DTNB: variants seen among roughly 807,000 people sequenced by gnomAD.
The protein encoded by DTNB is dystrobrevin beta.
A neutral mutation model predicts 90.7 loss-of-function variants in DTNB; 63 were observed. The observed-to-expected ratio is 0.69, with a 90% CI of 0.57 to 0.86. The LOEUF is 0.86. DTNB is among the 40% of genes least tolerant of loss of function. The probability of loss-of-function intolerance (pLI) is 0.00; values close to 1 mark genes in which losing one functional copy is unlikely to be tolerated. For missense variants in DTNB, 744 were observed against 807.1 expected (o/e 0.92, Z 0.95); for synonymous variants, 277 against 286.7 (o/e 0.97, Z 0.34).
intron 6 of DTNB, among the ~76,000 whole-genome samples, chr2:25,593,787 G>A (rs1398114286): frequency 6.6e-6 from 1 of 152,016 alleles, no homozygotes; most frequent in Non-Finnish European, 1.5e-5. Context: ...GAATACTAAC[G>A]TTGCAATTAA....
chr2:25,642,704 G>A (rs1040873128), intron 2 of DTNB, among the ~76,000 whole-genome samples: 1 of 152,110 alleles, frequency 6.6e-6, no homozygotes, highest in Non-Finnish European at 1.5e-5. Flanking sequence ...GAGCCACCAT[G>A]CCTGGCCTGG....
chr2:25,529,937 G>A (rs187624383), intron 9 of DTNB, among the ~76,000 whole-genome samples: 13 of 152,264 alleles, frequency 8.5e-5, no homozygotes, highest in Admixed American at 7.8e-4. Flanking sequence ...GGAGGCAAAG[G>A]AAAAGTAGAC....
At chr2:25,573,092 C>T (rs922543571) in intron 8 of DTNB, among the ~76,000 whole-genome samples, 3 of 152,088 alleles carry the variant, frequency 2.0e-5, no homozygotes, top group Admixed American at 1.3e-4. Flanking sequence ...ATTACAGGCA[C>T]CCGCCACCAC....
At chr2:25,606,030 G>C (rs990375666) in intron 5 of DTNB, among the ~76,000 whole-genome samples, 1 of 152,032 alleles carries the variant, frequency 6.6e-6, no homozygotes, top group African/African-American at 2.4e-5. Context: ...ATCTTTCTTT[G>C]GAATATCTAA....
chr2:25,661,733 C>T (rs1331217968), intron 1 of DTNB, among the ~76,000 whole-genome samples: 1 of 152,096 alleles, frequency 6.6e-6, no homozygotes, highest in Admixed American at 6.5e-5. Flanking sequence ...ACCCATCACA[C>T]ACATCAAATG....
chr2:25,462,955 G>T (rs967126812), intron 10 of DTNB, among the ~76,000 whole-genome samples: 2 of 151,970 alleles, frequency 1.3e-5, no homozygotes, highest in African/African-American at 2.4e-5. Flanking sequence ...CACCCGCCTC[G>T]GCCTCCCAAA....
intron 10 of DTNB, among the ~76,000 whole-genome samples, chr2:25,462,332 GC>G (rs2061087636): frequency 6.6e-6 from 1 of 152,040 alleles, no homozygotes; most frequent in Non-Finnish European, 1.5e-5. Flanking sequence ...TGAAGAGTGA[GC>G]AATAGCGGGA....
At chr2:25,577,104 C>G in intron 7 of DTNB, 100 bp from the exon 8 acceptor site, 1 of 1,258,918 alleles carries the variant, frequency 7.9e-7, no homozygotes, top group Non-Finnish European at 1.1e-6. Context: ...GAAGTCAATA[C>G]AGAGGAATAC....
chr2:25,649,834 T>C, intron 2 of DTNB: 1 of 172,104 alleles, frequency 5.8e-6, no homozygotes, highest in Non-Finnish European at 1.2e-5. Context: ...AAAATCAACA[T>C]ACTAAATGAT....
intron 4 of DTNB, among the ~76,000 whole-genome samples, chr2:25,620,572 C>A (rs2072276920): frequency 6.6e-6 from 1 of 151,920 alleles, no homozygotes; most frequent in African/African-American, 2.4e-5. Context: ...ATGGTAAAAC[C>A]CTTTGCAAGT....
At chr2:25,380,573 A>C (rs1294034902) in intron 19 of DTNB, among the ~76,000 whole-genome samples, 1 of 152,256 alleles carries the variant, frequency 6.6e-6, no homozygotes, top group Non-Finnish European at 1.5e-5. Flanking sequence ...ATAGACATAC[A>C]GACATTCTGG....
chr2:25,514,520 G>A (rs2074624437), intron 9 of DTNB, among the ~76,000 whole-genome samples: 1 of 102,452 alleles, frequency 9.8e-6, no homozygotes, highest in Non-Finnish European at 1.8e-5. Context: ...AAAAAGACAT[G>A]TGCTGGGTTA....
intron 11 of DTNB, among the ~76,000 whole-genome samples, chr2:25,455,080 A>G (rs1359796610): frequency 6.6e-6 from 1 of 152,228 alleles, no homozygotes; most frequent in Non-Finnish European, 1.5e-5. Flanking sequence ...AAGAATGAAC[A>G]GGAAGAGGTT....
chr2:25,649,854 T>A (rs905238779), intron 2 of DTNB: 8 of 200,812 alleles, frequency 4.0e-5, no homozygotes, highest in African/African-American at 1.2e-4. Flanking sequence ...TACAACTGAA[T>A]AATGGCTGGA....
At chr2:25,522,701 CTTTT>C (rs201567111) in intron 9 of DTNB, among the ~76,000 whole-genome samples, 3 of 133,478 alleles carry the variant, frequency 2.2e-5, no homozygotes, top group African/African-American at 2.8e-5. Flanking sequence ...AAACTGAGGT[CTTTT>C]TTTTTTTTTT....
chr2:25,467,162 T>C (rs2061934274), intron 10 of DTNB, among the ~76,000 whole-genome samples: 1 of 152,206 alleles, frequency 6.6e-6, no homozygotes, highest in Non-Finnish European at 1.5e-5. Flanking sequence ...AGTGAGAGAA[T>C]AGAGATTCAT....
intron 16 of DTNB, among the ~76,000 whole-genome samples, chr2:25,398,604 G>C (rs988661120): frequency 6.6e-6 from 1 of 152,164 alleles, no homozygotes; most frequent in African/African-American, 2.4e-5. Context: ...ATCACGCAAG[G>C]GATGTCAACC....
At chr2:25,659,014 C>T (rs190614020) in intron 1 of DTNB, among the ~76,000 whole-genome samples, 56 of 152,178 alleles carry the variant, frequency 3.7e-4, no homozygotes, top group Non-Finnish European at 7.4e-4. Context: ...CGTCCCACCC[C>T]TGCTTCTCTA....
At chr2:25,410,545 A>G (rs1220453863) in intron 16 of DTNB, among the ~76,000 whole-genome samples, 1 of 152,192 alleles carries the variant, frequency 6.6e-6, no homozygotes, top group Non-Finnish European at 1.5e-5. Flanking sequence ...TTGTTCATCT[A>G]TGATGCTTTC....
Sources: allele counts gnomAD v4.1 joint callset (sites outside exome capture counted in the v4.1 genomes callset), GRCh38; gene constraint gnomAD v4.1.1; transcripts MANE v1.5; gene names NCBI Gene and HGNC (gene_info 2026-07-23, HGNC 2026-07-21).